Variants in PCDH15 observed in about 807,000 individuals in gnomAD.
PCDH15 encodes the protein protocadherin related 15, also known as protocadherin-15.
A neutral mutation model predicts 178.5 loss-of-function variants in PCDH15; 129 were observed. The ratio of observed to expected loss-of-function variants is 0.72; its 90% CI spans 0.63 to 0.84. The LOEUF is 0.84. Among genes scored for constraint, PCDH15 ranks in the 40% least tolerant of loss-of-function variants. The pLI is 0.00. For synonymous variants in PCDH15, 800 were observed against 732.0 expected (o/e 1.09, Z -1.50); for missense variants, 2,230 against 2,099.9 (o/e 1.06, Z -1.21).
chr10:54,661,845 C>A (rs144139812), intron 2 of PCDH15, among the ~76,000 whole-genome samples: 1,607 of 152,024 alleles, frequency 0.011, 12 homozygotes, highest in Non-Finnish European at 0.017. Context: ...GGAAAACTTG[C>A]TTGCTAAATG....
intron 1 of PCDH15, among the ~76,000 whole-genome samples, chr10:54,800,221 G>T (rs1319550939): frequency 6.6e-6 from 1 of 152,074 alleles, no homozygotes; most frequent in Non-Finnish European, 1.5e-5. Context: ...CCACTCTATA[G>T]CTACCAAAGT....
At position 55,228,596 on chromosome 10, in the gene PCDH15, T is replaced by G. The variant is rs75463720; in HGVS notation, c.-155-61945A>C. The stretch of plus-strand genomic sequence containing the variant: ...CTACTTAGAAGTTATCAAATACATG[T>G]ATGTTTGATTCAATCTCATATTTCA... On this transcript the variant is annotated intron_variant, in intron 1 of 5. Transcript: ENST00000458638. Among the ~76,000 whole-genome samples, 289 of 152,140 alleles carry G rather than the reference T, an allele frequency of 1.9e-3. 6 individuals carry two copies. In the East Asian group the frequency reaches 0.05, roughly 26 times the overall value.
At chr10:55,489,752 A>T (rs1012077031) in intron 2 of PCDH15, among the ~76,000 whole-genome samples, 2 of 151,710 alleles carry the variant, frequency 1.3e-5, no homozygotes, top group Non-Finnish European at 3.0e-5. Context: ...CTTGGGTAGT[A>T]AATATTATGC....
chr10:53,944,475 AT>A (rs924346312), intron 23 of PCDH15, among the ~76,000 whole-genome samples: 8 of 152,364 alleles, frequency 5.3e-5, no homozygotes, highest in East Asian at 1.9e-4. Context: ...TTCTAAAAAA[AT>A]ATTTTCTCTA....
intron 2 of PCDH15, among the ~76,000 whole-genome samples, chr10:55,471,823 A>C (rs979419884): frequency 6.6e-6 from 1 of 152,158 alleles, no homozygotes; most frequent in Non-Finnish European, 1.5e-5. Flanking sequence ...CACAACTTCT[A>C]CTTAAATCTT....
At position 54,538,669 on chromosome 10, in the gene PCDH15, T is replaced by C. The variant is rs115896273; in HGVS notation, c.92-10792A>G. 9.4e-3 allele frequency among the ~76,000 whole-genome samples: 1,437 copies of C among 152,252 alleles called. 19 individuals are homozygous for C. The highest frequency in any genetic ancestry group is 0.033 in the African/African-American group (1,357 of 41,544). On this transcript the variant is annotated intron_variant, in intron 2 of 37. Coordinates refer to ENST00000644397, the MANE Select transcript of PCDH15 (RefSeq NM_001384140.1). ...AAAACTGGATCATGGGTGTAGGATTTGCCCTTGCTGTTCTTGTGATAGTGA... is the reference window on the plus strand; with the variant it reads ...AAAACTGGATCATGGGTGTAGGATTCGCCCTTGCTGTTCTTGTGATAGTGA...
chr10:53,859,670 TA>T (rs1028601514), intron 27 of PCDH15, among the ~76,000 whole-genome samples: 40 of 147,474 alleles, frequency 2.7e-4, no homozygotes, highest in African/African-American at 3.7e-4. Context: ...GACTTAAAAT[TA>T]AAAAAAAAAA....
chr10:54,610,975 T>C (rs2092942262), intron 2 of PCDH15, among the ~76,000 whole-genome samples: 1 of 151,866 alleles, frequency 6.6e-6, no homozygotes, highest in Non-Finnish European at 1.5e-5. Context: ...CTTCTTATAC[T>C]AGTAACATTC....
chr10:54,413,518 A>T (rs1160481163), intron 3 of PCDH15, among the ~76,000 whole-genome samples: 1 of 152,176 alleles, frequency 6.6e-6, no homozygotes, highest in Non-Finnish European at 1.5e-5. Context: ...GAACAAATGA[A>T]ACAAGTATAA....
At chr10:55,541,299 A>C (rs987440767) in intron 2 of PCDH15, among the ~76,000 whole-genome samples, 2 of 152,146 alleles carry the variant, frequency 1.3e-5, no homozygotes, top group African/African-American at 4.8e-5. Context: ...TCTGGTGCCA[A>C]CTATATCCCT....
intron 2 of PCDH15, among the ~76,000 whole-genome samples, chr10:55,005,728 T>TTA (rs1839912689): frequency 6.6e-6 from 1 of 152,080 alleles, no homozygotes; most frequent in Admixed American, 6.6e-5. Context: ...AATGAACAAT[T>TTA]ATAGCAGCAT....
chr10:54,076,221 T>C (rs2094339635), intron 17 of PCDH15, among the ~76,000 whole-genome samples: 1 of 152,178 alleles, frequency 6.6e-6, no homozygotes, highest in African/African-American at 2.4e-5. Flanking sequence ...TTGGATACTA[T>C]TGCAAATTGA....
chr10:53,837,537 T>C (rs1170463674), intron 29 of PCDH15, among the ~76,000 whole-genome samples: 4 of 152,186 alleles, frequency 2.6e-5, no homozygotes, highest in African/African-American at 9.7e-5. Flanking sequence ...ATTATTATTA[T>C]GATGATTTCT....
At chr10:55,259,902 C>CAAAA (rs749939571) in intron 1 of PCDH15, among the ~76,000 whole-genome samples, 9 of 52,008 alleles carry the variant, frequency 1.7e-4, no homozygotes, top group East Asian at 6.0e-4. Context: ...AACTCCGTCT[C>CAAAA]AAAAAAAAAA....
intron 7 of PCDH15, among the ~76,000 whole-genome samples, chr10:54,319,665 G>A (rs2061473046): frequency 1.3e-5 from 2 of 151,656 alleles, no homozygotes; most frequent in South Asian, 2.1e-4. Flanking sequence ...ATCTTATTTT[G>A]CTAATTTATG....
chr10:55,535,642 C>T (rs1219317689), intron 2 of PCDH15, among the ~76,000 whole-genome samples: 1 of 151,886 alleles, frequency 6.6e-6, no homozygotes, highest in African/African-American at 2.4e-5. Flanking sequence ...AGGAAATAAT[C>T]AATTAGAAGA....
chr10:55,552,061 C>T (rs1842012834), intron 2 of PCDH15, among the ~76,000 whole-genome samples: 1 of 151,736 alleles, frequency 6.6e-6, no homozygotes, highest in Non-Finnish European at 1.5e-5. Flanking sequence ...CTGAATTGCA[C>T]AGCAAATTTA....
At chr10:54,399,467 A>G (rs1399659852) in intron 3 of PCDH15, among the ~76,000 whole-genome samples, 4 of 152,078 alleles carry the variant, frequency 2.6e-5, no homozygotes, top group African/African-American at 9.7e-5. Flanking sequence ...GGTTTCTCTG[A>G]AAAGAACTAA....
At chr10:54,582,699 G>C (rs1250080961) in intron 2 of PCDH15, among the ~76,000 whole-genome samples, 1 of 152,026 alleles carries the variant, frequency 6.6e-6, no homozygotes, top group Non-Finnish European at 1.5e-5. Context: ...GATTGCTTGA[G>C]GCCAAGAGTT....
Sources: allele counts gnomAD v4.1 joint callset (sites outside exome capture counted in the v4.1 genomes callset), GRCh38; gene constraint gnomAD v4.1.1; transcripts MANE v1.5; gene names NCBI Gene and HGNC (gene_info 2026-07-23, HGNC 2026-07-21).